The following SAFB variants were observed in gnomAD, a reference collection of about 807,000 sequenced individuals.
The protein encoded by SAFB is scaffold attachment factor B.
In SAFB, 15 loss-of-function variants were observed where a neutral mutation model predicts 101.6. The ratio of observed to expected loss-of-function variants is 0.15; its 90% CI spans 0.10 to 0.23. The LOEUF is 0.23. Ranked by LOEUF, SAFB falls within the 10% of genes least tolerant of loss-of-function variation. The probability of loss-of-function intolerance (pLI) is 1.00; values close to 1 mark genes in which losing one functional copy is unlikely to be tolerated. For missense variants in SAFB, 930 were observed against 1,104.1 expected (o/e 0.84, Z 2.23); for synonymous variants, 449 against 407.5 (o/e 1.10, Z -1.23).
chr19:5,642,038 G>A, intron 4 of SAFB, 92 bp downstream of exon 4: 1 of 1,014,250 alleles, frequency 9.9e-7, no homozygotes, highest in Non-Finnish European at 1.5e-6. Flanking sequence ...GAAGTAAGTT[G>A]TTCTGTAATG....
At chr19:5,666,658 CCTTTCT>C (rs1175432796) in intron 17 of SAFB, 2 of 226,368 alleles carry the variant, frequency 8.8e-6, no homozygotes, top group African/African-American at 4.6e-5. Flanking sequence ...ATAAACCTGA[CCTTTCT>C]TTAGTAGAAG....
chr19:5,625,668 C>T (rs753597462), intron 1 of SAFB, among the ~76,000 whole-genome samples: 6 of 152,112 alleles, frequency 3.9e-5, no homozygotes, highest in Non-Finnish European at 8.8e-5. Flanking sequence ...TTAGTTGATG[C>T]CAGGCACTGT....
In SAFB at chr19:5,664,414, C is replaced by T; in HGVS notation, c.2309C>T (p.Ser770Leu). 1 of 1,613,410 alleles carries T rather than the reference C, an allele frequency of 6.2e-7. No individual in the cohort carries two copies. Among genetic ancestry groups the T allele is most frequent in the Non-Finnish European group, 8.5e-7 (1 of 1,179,382 alleles). The change falls in exon 17 of 21, where the codon TCA (serine) becomes TTA (leucine). Residue 770 changes from serine to leucine, a missense_variant. Ser to Leu is a moderately radical substitution (Grantham distance 145). Around this residue, in one of 7 missense-constraint regions of SAFB, gnomAD observed 318 missense variants for 342.6 expected, o/e 0.93. Coordinates refer to ENST00000588852, the MANE Select transcript of SAFB (RefSeq NM_001201338.2). ...HSVDRREGSR[S>L]MMGEREGQHY... ...CTTTTCAGGAGAGAAGGTTCAAGGT[C>T]AATGATGGGAGAACGAGAAGGACAG...
chr19:5,667,338 T>C lies in SAFB; in HGVS notation c.2454-9T>C. The C allele has an allele frequency of 6.7e-7, 1 of 1,482,456 alleles. No individual in the cohort carries two copies. The highest frequency in any genetic ancestry group is 9.0e-7 in the Non-Finnish European group (1 of 1,116,668). The allele number at this position is 1,482,456 out of a possible 1,614,324, so 91.8% of individuals were successfully genotyped here. A position where few individuals can be genotyped will look rare whatever the true frequency, so the allele number is the denominator to read the frequency against. ...GGGCAATCCAAATCAGAGATGTCTC[T>C]CTTTCAAGGGGCAGACGTGACTGGG... On this transcript the variant is annotated splice_polypyrimidine_tract_variant and intron_variant, in intron 18 of 20. Transcript: ENST00000588852. The surrounding 1 kb of genome is among the most constrained non-coding windows in gnomAD (Gnocchi z 4.0).
Position 5,642,104 on chromosome 19 carries a change from T to A in SAFB, c.546+158T>A, listed in dbSNP as rs899902072. The A allele has an allele frequency of 8.5e-6, 6 of 706,186 alleles. No individual in the cohort carries two copies. In the African/African-American group the frequency reaches 1.0e-4, roughly 12 times the overall value. 43.7% of individuals were successfully genotyped at this position (706,186 alleles called of 1,614,324 possible). A position where few individuals can be genotyped will look rare whatever the true frequency, so the allele number is the denominator to read the frequency against. On this transcript the variant is annotated intron_variant, in intron 4 of 20. Coordinates refer to ENST00000588852, the MANE Select transcript of SAFB (RefSeq NM_001201338.2). ...CAGATGATTCTGAACCAATTTGTTT[T>A]GTTGAAAGGTGATGTCTTATAACAT...
At chr19:5,629,427 A>G (rs1346203430) in intron 2 of SAFB, among the ~76,000 whole-genome samples, 1 of 152,100 alleles carries the variant, frequency 6.6e-6, no homozygotes, top group Admixed American at 6.6e-5. Flanking sequence ...GAGAGGGGGA[A>G]AAAAGTAAAT....
At chr19:5,660,471 C>T (rs866281037) in intron 14 of SAFB, among the ~76,000 whole-genome samples, 2 of 150,494 alleles carry the variant, frequency 1.3e-5, no homozygotes, top group African/African-American at 2.4e-5. Context: ...ATCCTCCCAC[C>T]TCTGCCTCCC....
Position 5,667,676 on chromosome 19 carries a change from GT to G in SAFB, c.2558-143del, listed in dbSNP as rs1366057822. 1 of 794,490 alleles carries G rather than the reference GT, an allele frequency of 1.3e-6. No homozygotes were observed. Among genetic ancestry groups the G allele is most frequent in the Non-Finnish European group, 2.1e-6 (1 of 477,606 alleles). 49.2% of individuals were successfully genotyped at this position (794,490 alleles called of 1,614,324 possible). ...GCTGGGAGGAAGCTGGACGTCTATG[GT>G]CCCTGTGCCCAGGTGTCTTCCTGGG... is the stretch of plus-strand genomic sequence containing the variant. On this transcript the variant is annotated intron_variant, in intron 19 of 20. Coordinates refer to ENST00000588852, the MANE Select transcript of SAFB (RefSeq NM_001201338.2). The surrounding 1 kb of genome is among the most constrained non-coding windows in gnomAD (Gnocchi z 4.0).
intron 14 of SAFB, among the ~76,000 whole-genome samples, chr19:5,660,245 A>C (rs2054163999): frequency 6.8e-6 from 1 of 148,144 alleles, no homozygotes; most frequent in African/African-American, 2.5e-5. Context: ...ACTTTAAATC[A>C]CTTCTAGATA....
intron 9 of SAFB, 102 bp from the exon 10 acceptor site, chr19:5,653,013 G>C (rs1024768885): frequency 8.4e-7 from 1 of 1,186,456 alleles, no homozygotes; most frequent in Non-Finnish European, 1.2e-6. Flanking sequence ...TCTAACACTT[G>C]TCGGACCCCT....
Position 5,667,986 on chromosome 19 carries a change from C to T in SAFB, c.2624+100C>T. 7.0e-7 allele frequency: 1 copy of T among 1,437,014 alleles called. No individual in the cohort carries two copies. The highest frequency in any genetic ancestry group is 9.4e-7 in the Non-Finnish European group (1 of 1,058,512). 89.0% of individuals were successfully genotyped at this position (1,437,014 alleles called of 1,614,324 possible). ...AAGTCCTTCCAGCTAGTGCCCCTCCCCCCAAGGGTGACGTGAGGCCAGGCA... is the reference window on the plus strand; with the variant it reads ...AAGTCCTTCCAGCTAGTGCCCCTCCTCCCAAGGGTGACGTGAGGCCAGGCA... On this transcript the variant is annotated intron_variant, in intron 20 of 20. Transcript: ENST00000588852. The surrounding 1 kb of genome is among the most constrained non-coding windows in gnomAD (Gnocchi z 4.0).
intron 14 of SAFB, 135 bp downstream of exon 14, chr19:5,657,482 T>G: frequency 1.7e-6 from 1 of 604,908 alleles, no homozygotes; most frequent in South Asian, 2.1e-5. Flanking sequence ...TTTCAGTTCA[T>G]AGACTTGTTA....
At position 5,641,964 on chromosome 19, in the gene SAFB, T is replaced by C. The variant is rs1222789280; in HGVS notation, c.546+18T>C. 1 of 1,599,552 alleles carries C rather than the reference T, an allele frequency of 6.3e-7. No individual in the cohort carries two copies. The highest frequency in any genetic ancestry group is 1.1e-5 in the South Asian group (1 of 90,692). Reference sequence around the variant, plus strand: ...AACATGCTGTAGGTAACCGGCAATGTCTCTAGAATGTGCCCTGAATGTATC... The same window carrying C: ...AACATGCTGTAGGTAACCGGCAATGCCTCTAGAATGTGCCCTGAATGTATC... On this transcript the variant is annotated intron_variant, in intron 4 of 20. Coordinates refer to ENST00000588852, the MANE Select transcript of SAFB (RefSeq NM_001201338.2).
chr19:5,668,120 CAGG>C, intron 20 of SAFB, 39 bp from the exon 21 acceptor site: 1 of 1,595,800 alleles, frequency 6.3e-7, no homozygotes, highest in Non-Finnish European at 8.5e-7. Context: ...GGCCGGGGAG[CAGG>C]AGGACTTCGC....
rs1456652803 is a variant in SAFB, at chr19:5,641,760, G to A, written c.360G>A (p.Leu120=). 1 of 1,614,104 alleles carries A rather than the reference G, an allele frequency of 6.2e-7. No homozygotes were observed. Residue 120 remains leucine (L), a synonymous_variant, in exon 4 of 21, where the codon CTG becomes CTA. Transcript: ENST00000588852. ...CACAGGAGGATGTTGAGACCAGTCT[G>A]GAGAACTTGCAGGACATCGACATCA... ...GDGQEDVETS[L]ENLQDIDIMD...
chr19:5,657,191 C>A, intron 13 of SAFB, 50 bp from the exon 14 acceptor site: 1 of 1,400,214 alleles, frequency 7.1e-7, no homozygotes, highest in Non-Finnish European at 1.0e-6. Flanking sequence ...AGGCATAAGC[C>A]TCCGTGCCTG....
At position 5,664,388 on chromosome 19, in the gene SAFB, C is replaced by T; in HGVS notation, c.2292-9C>T. 1 of 1,611,786 alleles carries T rather than the reference C, an allele frequency of 6.2e-7. No homozygotes were observed. Among genetic ancestry groups the T allele is most frequent in the Non-Finnish European group, 8.5e-7 (1 of 1,177,848 alleles). Reference sequence around the variant, plus strand: ...TCCCCTTACGGTTTGATTTAAATTGCCTTTTCAGGAGAGAAGGTTCAAGGT... The same window carrying T: ...TCCCCTTACGGTTTGATTTAAATTGTCTTTTCAGGAGAGAAGGTTCAAGGT... On this transcript the variant is annotated splice_polypyrimidine_tract_variant and intron_variant, in intron 16 of 20. Coordinates refer to ENST00000588852, the MANE Select transcript of SAFB (RefSeq NM_001201338.2).
Position 5,654,429 on chromosome 19 carries a change from T to C in SAFB, c.1728T>C (p.Ser576=). Residue 576 remains serine (S), a synonymous_variant, in exon 13 of 21, where the codon AGT becomes AGC. Transcript: ENST00000588852. ...AATCCAAAGGGGTGCCTGTGATTAG[T>C]GTAAAAACGTCCGGGTCCAAAGAGA... ...MDKSKGVPVI[S]VKTSGSKERA... 1.2e-6 allele frequency: 2 copies of C among 1,611,944 alleles called. No individual in the cohort carries two copies. Among genetic ancestry groups the C allele is most frequent in the Non-Finnish European group, 1.7e-6 (2 of 1,178,006 alleles).
At chr19:5,628,718 T>C (rs934215210) in intron 2 of SAFB, among the ~76,000 whole-genome samples, 1 of 152,176 alleles carries the variant, frequency 6.6e-6, no homozygotes, top group Admixed American at 6.5e-5. Flanking sequence ...TTGGGGTAAG[T>C]GCTGGGAGAA....
Sources: allele counts gnomAD v4.1 joint callset (sites outside exome capture counted in the v4.1 genomes callset), GRCh38; gene constraint gnomAD v4.1.1; regional missense constraint gnomAD v4.1.1; non-coding constraint Gnocchi (gnomAD v3.1); transcripts MANE v1.5; gene names NCBI Gene and HGNC (gene_info 2026-07-23, HGNC 2026-07-21).